The following GGA3 variants were observed in gnomAD, a reference collection of about 807,000 sequenced individuals.
GGA3 encodes the protein ADP-ribosylation factor-binding protein GGA3.
Under a neutral mutation model 77.5 loss-of-function variants are expected in GGA3, and 57 were observed. The ratio of observed to expected loss-of-function variants is 0.74; its 90% confidence interval spans 0.59 to 0.92. The LOEUF is 0.92. Among genes scored for constraint, GGA3 ranks in the 40% least tolerant of loss-of-function variants. The pLI, the probability that GGA3 is intolerant of heterozygous loss-of-function variation, is 0.00. For synonymous variants in GGA3, 416 were observed against 383.7 expected, an observed-to-expected ratio of 1.08 and a Z score of -0.98; for missense variants, 970 against 914.9, an observed-to-expected ratio of 1.06 and a Z score of -0.78.
At chr17:75,246,830 G>C in intron 1 of GGA3, 34 bp from the exon 2 acceptor site, 1 of 1,556,532 alleles carries the variant, frequency 6.4e-7, no homozygotes, top group Non-Finnish European at 8.8e-7. Flanking sequence ...ACAAGTGTTA[G>C]GAAGAGCAAT....
In GGA3 at chr17:75,237,672, A is replaced by G. The variant is rs996821105; in HGVS notation, c.*607T>C. ...GCCAGGGACAAGCACACAACTCATCACTCCGTGGCCATTCCAGGACGATGC... is the reference window on the plus strand; with the variant it reads ...GCCAGGGACAAGCACACAACTCATCGCTCCGTGGCCATTCCAGGACGATGC... On this transcript the variant is annotated 3_prime_UTR_variant, in exon 17 of 17. Coordinates refer to ENST00000537686, the MANE Select transcript of GGA3 (RefSeq NM_138619.4). The G allele has an allele frequency of 6.8e-7, 1 of 1,480,076 alleles. No homozygotes were observed. The highest frequency in any genetic ancestry group is 1.4e-5 in the African/African-American group (1 of 71,864). The allele number at this position is 1,480,076 out of a possible 1,614,324, so 91.7% of individuals were successfully genotyped here. A position where few individuals can be genotyped will look rare whatever the true frequency, so the allele number is the denominator to read the frequency against.
intron 1 of GGA3, among the ~76,000 whole-genome samples, chr17:75,259,855 TAA>T (rs2077287618): frequency 1.3e-5 from 2 of 152,182 alleles, no homozygotes; most frequent in South Asian, 4.1e-4. Context: ...TCTCATTTCA[TAA>T]TGTGACTCTA....
At chr17:75,261,980 C>A, upstream of GGA3, 1 of 1,584,514 alleles carries the variant, frequency 6.3e-7, no homozygotes, top group Non-Finnish European at 8.5e-7. Flanking sequence ...TTGCAGCTTC[C>A]AGGGTGAGAG....
Position 75,253,334 on chromosome 17 carries a change from G to A in GGA3, c.41-6538C>T, listed in dbSNP as rs180957124. Among the ~76,000 whole-genome samples the A allele has an allele frequency of 3.8e-3, 583 of 152,216 alleles. 2 individuals carry two copies. Among genetic ancestry groups the A allele is most frequent in the African/African-American group, 0.013 (551 of 41,520 alleles). Reference sequence around the variant, plus strand: ...TTTCTGGTAGAGACAAACGAGACACGTTTTATCCGTGGACCCAAAACTCTG... The same window carrying A: ...TTTCTGGTAGAGACAAACGAGACACATTTTATCCGTGGACCCAAAACTCTG... On this transcript the variant is annotated intron_variant, in intron 1 of 16. Transcript: ENST00000537686.
At position 75,237,359 on chromosome 17, in the gene GGA3, C is replaced by G; in HGVS notation, c.*920G>C. On this transcript the variant is annotated 3_prime_UTR_variant, in exon 17 of 17. Transcript: ENST00000537686. ...CTCCTGTGTCCAGCCACAGGTGCCACACCACATGCCATCTGGTGAGAGGAG... is the reference window on the plus strand; with the variant it reads ...CTCCTGTGTCCAGCCACAGGTGCCAGACCACATGCCATCTGGTGAGAGGAG... 1 of 883,904 alleles carries G rather than the reference C, an allele frequency of 1.1e-6. No individual in the cohort carries two copies. Among genetic ancestry groups the G allele is most frequent in the Non-Finnish European group, 1.8e-6 (1 of 554,840 alleles). 54.8% of individuals were successfully genotyped at this position (883,904 alleles called of 1,614,324 possible).
intron 1 of GGA3, among the ~76,000 whole-genome samples, chr17:75,250,747 G>A (rs1326866187): frequency 7.8e-6 from 1 of 127,900 alleles, no homozygotes; most frequent in African/African-American, 3.1e-5. Flanking sequence ...GGGCAACAGA[G>A]TGAGACTCCA....
intron 8 of GGA3, 194 bp from the exon 9 acceptor site, chr17:75,241,890 C>T (rs2076573282): frequency 1.3e-5 from 8 of 620,078 alleles, no homozygotes; most frequent in South Asian, 1.1e-4. Flanking sequence ...GGATGTTTGT[C>T]TAGGTAGCAG....
At chr17:75,252,802 C>T (rs1316557659) in intron 1 of GGA3, among the ~76,000 whole-genome samples, 1 of 152,162 alleles carries the variant, frequency 6.6e-6, no homozygotes, top group Non-Finnish European at 1.5e-5. Context: ...TGTAATCTCC[C>T]CCACCCTTAA....
chr17:75,239,519 G>GGGT lies in GGA3; in HGVS notation c.1633_1635dup (p.Thr545dup), dbSNP rs150787028. On this transcript the variant is annotated inframe_insertion, in exon 14 of 17. Coordinates refer to ENST00000537686, the MANE Select transcript of GGA3 (RefSeq NM_138619.4). ...GAGAAGGGCAGGAGGGGCCTGGCTG[G>GGGT]GGTGGTGGTGGGGATGAGAGGGGAG... 4,452 of 1,567,910 alleles carry GGGT rather than the reference G, an allele frequency of 2.8e-3. 110 individuals are homozygous for GGGT. In the African/African-American group the frequency reaches 0.052, roughly 18 times the overall value.
chr17:75,241,530 G>A lies in GGA3; in HGVS notation c.830-14C>T, dbSNP rs367881104. On this transcript the variant is annotated splice_polypyrimidine_tract_variant and intron_variant, in intron 9 of 16. Transcript: ENST00000537686. ...GCAGGATGTCCCCTGGAGCAGGAAA[G>A]AGAGACTTCTCACTCCTGTTGTGAC... The A allele has an allele frequency of 4.4e-6, 7 of 1,606,308 alleles. No individual in the cohort carries two copies. Among genetic ancestry groups the A allele is most frequent in the Non-Finnish European group, 6.0e-6 (7 of 1,172,902 alleles).
intron 1 of GGA3, among the ~76,000 whole-genome samples, chr17:75,258,895 C>T (rs1201090117): frequency 6.6e-6 from 1 of 151,166 alleles, no homozygotes. Context: ...TGAATCATCT[C>T]TTCCCCCATC....
intron 1 of GGA3, among the ~76,000 whole-genome samples, chr17:75,249,573 C>T (rs1426417536): frequency 6.6e-6 from 1 of 152,202 alleles, no homozygotes; most frequent in Non-Finnish European, 1.5e-5. Flanking sequence ...CAGGCATTAG[C>T]GTAGCTCTGT....
At chr17:75,256,945 C>T (rs1024331663) in intron 1 of GGA3, among the ~76,000 whole-genome samples, 27 of 149,344 alleles carry the variant, frequency 1.8e-4, no homozygotes, top group Non-Finnish European at 3.2e-4. Context: ...TCAGTTTAGC[C>T]TTCCCACCTC....
chr17:75,259,866 T>C (rs2077288143), intron 1 of GGA3, among the ~76,000 whole-genome samples: 1 of 152,158 alleles, frequency 6.6e-6, no homozygotes. Context: ...AATGTGACTC[T>C]AGGCTGGGTG....
chr17:75,241,526 GAA>G lies in GGA3; in HGVS notation c.830-12_830-11del. 1 of 1,608,634 alleles carries G rather than the reference GAA, an allele frequency of 6.2e-7. No homozygotes were observed. The highest frequency in any genetic ancestry group is 8.5e-7 in the Non-Finnish European group (1 of 1,175,030). ...GCTTGCAGGATGTCCCCTGGAGCAGGAAAGAGAGACTTCTCACTCCTGTTGTG... is the reference window on the plus strand; with the variant it reads ...GCTTGCAGGATGTCCCCTGGAGCAGGAGAGAGACTTCTCACTCCTGTTGTG... On this transcript the variant is annotated splice_polypyrimidine_tract_variant and intron_variant, in intron 9 of 16. Coordinates refer to ENST00000537686, the MANE Select transcript of GGA3 (RefSeq NM_138619.4).
chr17:75,262,181 G>A, upstream of GGA3: 1 of 697,826 alleles, frequency 1.4e-6, no homozygotes, highest in Admixed American at 2.9e-5. Context: ...GGCTGATCTA[G>A]GGTTCTAACG....
intron 1 of GGA3, among the ~76,000 whole-genome samples, chr17:75,254,922 G>A (rs919564995): frequency 1.3e-5 from 2 of 152,100 alleles, no homozygotes; most frequent in African/African-American, 4.8e-5. Context: ...AGTCCCATCT[G>A]TGTGGGACCC....
At chr17:75,255,213 T>C (rs2077101993) in intron 1 of GGA3, among the ~76,000 whole-genome samples, 1 of 152,126 alleles carries the variant, frequency 6.6e-6, no homozygotes, top group South Asian at 2.1e-4. Context: ...CCATAACTGT[T>C]GTGGGTATTG....
In GGA3 at chr17:75,239,851, C is replaced by T. The variant is rs150196281; in HGVS notation, c.1521G>A (p.Ala507=). The part of the protein sequence containing the change: ...EPAVPGHHGL[A]LGNSALHHLD... ...GGTGGTGCAGCGCGCTGTTGCCCAACGCCAAGCCATGGTGCCCAGGGACTG... is the reference window on the plus strand; with the variant it reads ...GGTGGTGCAGCGCGCTGTTGCCCAATGCCAAGCCATGGTGCCCAGGGACTG... Residue 507 remains alanine, a synonymous_variant, in exon 13 of 17, where the codon GCG becomes GCA. Transcript: ENST00000537686. 623 of 1,614,050 alleles carry T rather than the reference C, an allele frequency of 3.9e-4. 9 individuals carry two copies. In the South Asian group the frequency reaches 5.9e-3, roughly 15 times the overall value.
Sources: gnomAD v4.1 joint callset for allele counts (sites outside exome capture counted in the v4.1 genomes callset) on GRCh38, gnomAD v4.1.1 for gene constraint, MANE v1.5 for transcripts, NCBI Gene and HGNC (gene_info 2026-07-23, HGNC 2026-07-21) for gene names.